Variants in CADM2 observed in about 807,000 individuals in gnomAD.
CADM2 encodes cell adhesion molecule 2, also known as immunoglobulin superfamily member 4D.
Under a neutral mutation model 49.8 loss-of-function variants are expected in CADM2, and 12 were observed. That is an observed-to-expected ratio of 0.24 (90% CI 0.15 to 0.39). The LOEUF (loss-of-function observed/expected upper bound fraction) is 0.39. Ranked by LOEUF, CADM2 falls within the 10% of genes least tolerant of loss-of-function variation. The probability of loss-of-function intolerance (pLI) is 1.00; values close to 1 mark genes in which losing one functional copy is unlikely to be tolerated. For synonymous variants in CADM2, 214 were observed against 175.4 expected, an observed-to-expected ratio of 1.22 and a Z score of -1.74; for missense variants, 378 against 492.3, an observed-to-expected ratio of 0.77 and a Z score of 2.20.
intron 1 of CADM2, among the ~76,000 whole-genome samples, chr3:85,620,466 A>T (rs1242695027): frequency 6.6e-6 from 1 of 151,996 alleles, no homozygotes; most frequent in African/African-American, 2.4e-5. Context: ...TTTATGAAAA[A>T]TTTTTAAGCA....
At chr3:84,996,847 G>A (rs957584799) in intron 1 of CADM2, among the ~76,000 whole-genome samples, 1 of 152,038 alleles carries the variant, frequency 6.6e-6, no homozygotes, top group Non-Finnish European at 1.5e-5. Flanking sequence ...ATGGTGTTCA[G>A]GGATTCCTTA....
At chr3:85,422,979 C>A (rs1302469210) in intron 1 of CADM2, among the ~76,000 whole-genome samples, 1 of 152,082 alleles carries the variant, frequency 6.6e-6, no homozygotes, top group East Asian at 1.9e-4. Flanking sequence ...CTGAATTCTT[C>A]TCCTGCGTCC....
intron 1 of CADM2, among the ~76,000 whole-genome samples, chr3:85,195,501 T>TA (rs1403999125): frequency 6.6e-6 from 1 of 151,222 alleles, no homozygotes; most frequent in Non-Finnish European, 1.5e-5. Flanking sequence ...ATAATAAAAA[T>TA]ATATATTTTG....
intron 1 of CADM2, among the ~76,000 whole-genome samples, chr3:85,282,303 C>T (rs117719660): frequency 0.028 from 4,104 of 144,234 alleles, 78 homozygotes; most frequent in South Asian, 0.042. Flanking sequence ...ACTCTGTTGC[C>T]CAGGCTGTAG....
intron 1 of CADM2, among the ~76,000 whole-genome samples, chr3:84,967,591 G>A (rs556366365): frequency 9.9e-5 from 15 of 152,130 alleles, no homozygotes; most frequent in Middle Eastern, 3.4e-3. Context: ...GCTGAAGTCC[G>A]AATAGTAACT....
At chr3:85,640,376 A>C (rs1379410930) in intron 1 of CADM2, among the ~76,000 whole-genome samples, 1 of 151,994 alleles carries the variant, frequency 6.6e-6, no homozygotes, top group Admixed American at 6.5e-5. Context: ...AATTAGACTC[A>C]AAATTTAAAA....
In CADM2 at chr3:85,647,014, T is replaced by A. The variant is rs529632373; in HGVS notation, c.62-79508T>A. Among the ~76,000 whole-genome samples, 3 of 151,932 alleles carry A rather than the reference T, an allele frequency of 2.0e-5. No individual in the cohort carries two copies. The South Asian group carries it at 6.2e-4, about 31-fold the overall frequency. ...AATTTAAAACTCTCTATTCAAGCAA[T>A]TTTTTGAACGTAACTTGGATTTGTA... On this transcript the variant is annotated intron_variant, in intron 1 of 9. Transcript: ENST00000383699.
At chr3:85,896,155 G>A (rs1244052070) in intron 5 of CADM2, among the ~76,000 whole-genome samples, 2 of 152,054 alleles carry the variant, frequency 1.3e-5, no homozygotes, top group African/African-American at 4.8e-5. Context: ...GCTGGGTGTG[G>A]TGGCACATTA....
intron 1 of CADM2, among the ~76,000 whole-genome samples, chr3:85,347,579 A>G (rs886840026): frequency 8.1e-5 from 9 of 111,008 alleles, no homozygotes; most frequent in Non-Finnish European, 1.1e-4. Context: ...AAATATATAT[A>G]CATATATACA....
intron 1 of CADM2, among the ~76,000 whole-genome samples, chr3:85,167,020 T>C (rs2040488508): frequency 6.6e-6 from 1 of 152,112 alleles, no homozygotes; most frequent in South Asian, 2.1e-4. Context: ...GCCTTAGTTC[T>C]TGTTTGTCCT....
intron 2 of CADM2, among the ~76,000 whole-genome samples, chr3:85,762,211 T>A (rs1295103822): frequency 6.6e-6 from 1 of 152,096 alleles, no homozygotes; most frequent in African/African-American, 2.4e-5. Flanking sequence ...CAAATGAACT[T>A]AAGCATTTAT....
intron 3 of CADM2, among the ~76,000 whole-genome samples, chr3:85,803,981 T>G (rs929181726): frequency 6.6e-6 from 1 of 152,138 alleles, no homozygotes; most frequent in African/African-American, 2.4e-5. Flanking sequence ...ACTTTATTAT[T>G]TAGAAAGAGA....
At chr3:85,334,548 T>G (rs2045025125) in intron 1 of CADM2, among the ~76,000 whole-genome samples, 1 of 151,644 alleles carries the variant, frequency 6.6e-6, no homozygotes, top group Non-Finnish European at 1.5e-5. Flanking sequence ...ACTGATAGTA[T>G]ACACATATAT....
At chr3:85,133,595 G>A (rs1418033010) in intron 1 of CADM2, among the ~76,000 whole-genome samples, 25 of 151,152 alleles carry the variant, frequency 1.7e-4, no homozygotes, top group Admixed American at 1.6e-3. Context: ...AGACATAAAT[G>A]TTCTCCAAGG....
At chr3:85,773,526 A>G (rs1489424289) in intron 2 of CADM2, among the ~76,000 whole-genome samples, 2 of 152,098 alleles carry the variant, frequency 1.3e-5, no homozygotes, top group Non-Finnish European at 2.9e-5. Context: ...ACTTATTTGT[A>G]TAATCAATAT....
At chr3:85,139,181 C>T (rs917348273) in intron 1 of CADM2, among the ~76,000 whole-genome samples, 2 of 152,140 alleles carry the variant, frequency 1.3e-5, no homozygotes, top group African/African-American at 4.8e-5. Flanking sequence ...AGATTAGGAA[C>T]ATCCTTGAGA....
At position 85,435,908 on chromosome 3, in the gene CADM2, G is replaced by T. The variant is rs370012619; in HGVS notation, c.62-290614G>T. ...TGTAAATTTGTTTAAGTTCCTTGTA[G>T]ATTCTGGATATTAGCCCTTTGTCAG... On this transcript the variant is annotated intron_variant, in intron 1 of 9. Coordinates refer to ENST00000383699, the MANE Select transcript of CADM2 (RefSeq NM_001167675.2). 4.7e-5 allele frequency among the ~76,000 whole-genome samples: 7 copies of T among 149,608 alleles called. No homozygotes were observed. The East Asian group carries it at 1.5e-3, about 31-fold the overall frequency.
At chr3:85,641,218 T>C (rs2064700166) in intron 1 of CADM2, among the ~76,000 whole-genome samples, 1 of 152,188 alleles carries the variant, frequency 6.6e-6, no homozygotes, top group Non-Finnish European at 1.5e-5. Context: ...AAACTAGTGA[T>C]AGAAGTATAT....
rs532978286 is a variant in CADM2, at chr3:85,035,238, C to G, written c.61+75570C>G. On this transcript the variant is annotated intron_variant, in intron 1 of 9. Coordinates refer to ENST00000383699, the MANE Select transcript of CADM2 (RefSeq NM_001167675.2). ...TGTCTTCTTTTGATAATTGTCTATT[C>G]ATATTTTTGCCCATTTTTAAATCCG... is the stretch of plus-strand genomic sequence containing the variant. Among the ~76,000 whole-genome samples the G allele has an allele frequency of 9.2e-5, 14 of 152,240 alleles. No homozygotes were observed. In the South Asian group the frequency reaches 2.9e-3, roughly 32 times the overall value.
Sources: allele counts gnomAD v4.1 joint callset (sites outside exome capture counted in the v4.1 genomes callset), GRCh38; gene constraint gnomAD v4.1.1; transcripts MANE v1.5; gene names NCBI Gene and HGNC (gene_info 2026-07-23, HGNC 2026-07-21).